ADD1: variants seen among roughly 807,000 people sequenced by gnomAD.
ADD1 encodes the protein alpha-adducin.
Under a neutral mutation model 80.5 loss-of-function variants are expected in ADD1, and 24 were observed. The observed-to-expected ratio is 0.30, with a 90% CI of 0.22 to 0.42. The LOEUF (loss-of-function observed/expected upper bound fraction) is 0.42, where lower values mean the gene tolerates loss of function less well. Among genes scored for constraint, ADD1 ranks in the 10% least tolerant of loss-of-function variants. The probability of loss-of-function intolerance (pLI) is 1.00; values close to 1 mark genes in which losing one functional copy is unlikely to be tolerated. For synonymous variants in ADD1, 373 were observed against 393.8 expected, an observed-to-expected ratio of 0.95 and a Z score of 0.63; for missense variants, 948 against 1,019.0, an observed-to-expected ratio of 0.93 and a Z score of 0.95.
chr4:2,894,220 C>A, intron 5 of ADD1, 127 bp downstream of exon 5: 3 of 763,420 alleles, frequency 3.9e-6, no homozygotes, highest in Non-Finnish European at 6.6e-6. Context: ...GTGGTGTGTT[C>A]AGTTAGAGAA....
At chr4:2,865,576 G>A (rs527778147) in intron 1 of ADD1, among the ~76,000 whole-genome samples, 2 of 152,190 alleles carry the variant, frequency 1.3e-5, no homozygotes, top group South Asian at 4.1e-4. Context: ...TCACAACTAG[G>A]AACTTTTAGT....
At chr4:2,909,475 C>A (rs1047664177) in intron 13 of ADD1, 44 bp downstream of exon 13, 1 of 1,401,494 alleles carries the variant, frequency 7.1e-7, no homozygotes, top group Non-Finnish European at 9.9e-7. Context: ...GCGCCTTGCT[C>A]CCCTCCCCTC....
chr4:2,908,827 C>G (rs943864479), intron 12 of ADD1: 12 of 573,754 alleles, frequency 2.1e-5, no homozygotes, highest in Non-Finnish European at 3.7e-5. Flanking sequence ...GGTCATGCCC[C>G]TTGTAATGCA....
intron 9 of ADD1, chr4:2,899,666 A>G (rs1426238041): frequency 7.2e-6 from 4 of 553,274 alleles, no homozygotes; most frequent in Non-Finnish European, 1.3e-5. Flanking sequence ...TTGTGTTTGG[A>G]CTCAGTGGGG....
intron 12 of ADD1, 171 bp from the exon 13 acceptor site, chr4:2,909,168 C>T (rs904839914): frequency 2.4e-5 from 15 of 621,676 alleles, no homozygotes; most frequent in Admixed American, 1.1e-4. Context: ...TTTGTCCAGC[C>T]GTGGTCCTGG....
chr4:2,876,971 C>T (rs914923116), intron 2 of ADD1, among the ~76,000 whole-genome samples: 1 of 149,496 alleles, frequency 6.7e-6, no homozygotes, highest in Non-Finnish European at 1.5e-5. Flanking sequence ...TACTGCACTC[C>T]AGCCTGGGCA....
Position 2,928,219 on chromosome 4 carries a change from T to C in ADD1, c.2096T>C (p.Phe699Ser), listed in dbSNP as rs1336654465. 1 of 1,613,892 alleles carries C rather than the reference T, an allele frequency of 6.2e-7. No homozygotes were observed. The highest frequency in any genetic ancestry group is 1.7e-5 in the Admixed American group (1 of 59,968). ...GGAGATGACAGTGATGCTGCCACCT[T>C]TAAGCCAACTCTCCCCGATCTGTCC... ...TTGDDSDAAT[F>S]KPTLPDLSPD... Residue 699 changes from phenylalanine to serine, a missense_variant, in exon 16 of 16, where the codon TTT (phenylalanine) becomes TCT (serine). By Grantham distance (155) the Phe-to-Ser change is radical. Transcript: ENST00000683351.
chr4:2,900,041 T>G (rs536915662), intron 9 of ADD1: 4 of 155,294 alleles, frequency 2.6e-5, no homozygotes, highest in African/African-American at 9.6e-5. Flanking sequence ...AATTTCATTC[T>G]TTTGCAAGGA....
chr4:2,897,541 CTTTTTTT>C (rs34592055), intron 6 of ADD1, among the ~76,000 whole-genome samples: 1 of 99,148 alleles, frequency 1.0e-5, no homozygotes, highest in African/African-American at 4.0e-5. Context: ...AAACCTCCTC[CTTTTTTT>C]TTTTTTTTTT....
At chr4:2,886,302 C>T (rs1262397582) in intron 4 of ADD1, among the ~76,000 whole-genome samples, 1 of 152,170 alleles carries the variant, frequency 6.6e-6, no homozygotes, top group African/African-American at 2.4e-5. Context: ...AATGCTAAGC[C>T]TCTTGAGGTG....
chr4:2,880,817 T>A (rs1304825576), intron 2 of ADD1, among the ~76,000 whole-genome samples: 1 of 152,030 alleles, frequency 6.6e-6, no homozygotes, highest in Non-Finnish European at 1.5e-5. Context: ...ATTATTTTAG[T>A]GCAGGTTGGG....
intron 3 of ADD1, 76 bp downstream of exon 3, chr4:2,882,136 A>T: frequency 7.3e-7 from 1 of 1,370,462 alleles, no homozygotes; most frequent in Non-Finnish European, 9.9e-7. Context: ...CATGTGAAAT[A>T]AGTGGGCATT....
intron 9 of ADD1, among the ~76,000 whole-genome samples, chr4:2,904,295 C>A (rs1736672112): frequency 6.6e-6 from 1 of 152,120 alleles, no homozygotes; most frequent in African/African-American, 2.4e-5. Flanking sequence ...TTCACTTGTC[C>A]CATCCCAGGG....
chr4:2,911,449 T>TATATATATATATATATATA (rs1553848841), intron 13 of ADD1, among the ~76,000 whole-genome samples: 4 of 92,598 alleles, frequency 4.3e-5, no homozygotes, highest in African/African-American at 7.6e-5. Context: ...TATATATATA[T>TATATATATATATATATATA]TTTTTTTTTT....
At chr4:2,844,200 C>G (rs898322921) in intron 1 of ADD1, 176 bp downstream of exon 1, 9 of 152,046 alleles carry the variant, frequency 5.9e-5, no homozygotes, top group African/African-American at 2.2e-4. Context: ...GGGGTCCCCG[C>G]GGGGCCTTCG....
At chr4:2,894,983 G>A (rs1366694152) in intron 6 of ADD1, among the ~76,000 whole-genome samples, 7 of 152,074 alleles carry the variant, frequency 4.6e-5, no homozygotes, top group Admixed American at 6.6e-5. Flanking sequence ...ACAATTGGCC[G>A]GGCATGGTGG....
chr4:2,892,463 C>T (rs1734456315), intron 4 of ADD1, among the ~76,000 whole-genome samples: 2 of 152,020 alleles, frequency 1.3e-5, no homozygotes, highest in African/African-American at 2.4e-5. Context: ...GAATTAATTA[C>T]TGTGGGAGAA....
chr4:2,846,391 G>C (rs1043750712), intron 1 of ADD1, among the ~76,000 whole-genome samples: 5 of 152,280 alleles, frequency 3.3e-5, no homozygotes, highest in South Asian at 2.1e-4. Flanking sequence ...CTTTACTTTT[G>C]TCAAGCAAAC....
chr4:2,917,737 A>C (rs761719861), intron 14 of ADD1, among the ~76,000 whole-genome samples: 1 of 152,242 alleles, frequency 6.6e-6, no homozygotes, highest in African/African-American at 2.4e-5. Flanking sequence ...AGTTTTATGC[A>C]TATGGCTATC....
Sources: gnomAD v4.1 joint callset for allele counts (sites outside exome capture counted in the v4.1 genomes callset) on GRCh38, gnomAD v4.1.1 for gene constraint, MANE v1.5 for transcripts, NCBI Gene and HGNC (gene_info 2026-07-23, HGNC 2026-07-21) for gene names.